Variants in ELP2 observed in about 807,000 individuals in gnomAD.
ELP2 encodes the protein elongator acetyltransferase complex subunit 2.
ELP2 carries 90 observed loss-of-function variants against 119.2 expected under a neutral mutation model. The observed-to-expected ratio is 0.75, with a 90% CI of 0.64 to 0.90. The LOEUF is 0.90. Among genes scored for constraint, ELP2 ranks in the 40% least tolerant of loss-of-function variants. The pLI, the probability that ELP2 is intolerant of heterozygous loss-of-function variation, is 0.00. For missense variants in ELP2, 921 were observed against 967.8 expected, an observed-to-expected ratio of 0.95 and a Z score of 0.64; for synonymous variants, 339 against 331.0, an observed-to-expected ratio of 1.02 and a Z score of -0.26.
intron 21 of ELP2, 152 bp downstream of exon 21, chr18:36,171,312 T>C: frequency 1.5e-6 from 1 of 672,522 alleles, no homozygotes; most frequent in South Asian, 1.7e-5. Context: ...AATTGATACA[T>C]GTGGTAATCT....
At chr18:36,131,060 G>C (rs960206659) in intron 1 of ELP2, among the ~76,000 whole-genome samples, 3 of 152,150 alleles carry the variant, frequency 2.0e-5, no homozygotes, top group Non-Finnish European at 4.4e-5. Context: ...TGTAGTCCCA[G>C]CTACTCGGGA....
chr18:36,132,552 G>C (rs960592418), intron 1 of ELP2, among the ~76,000 whole-genome samples: 1 of 152,206 alleles, frequency 6.6e-6, no homozygotes, highest in Non-Finnish European at 1.5e-5. Context: ...AAAGAGGAAG[G>C]TGCAGTAGTC....
intron 6 of ELP2, among the ~76,000 whole-genome samples, chr18:36,141,848 G>C (rs1415732630): frequency 2.0e-5 from 3 of 151,892 alleles, no homozygotes; most frequent in African/African-American, 7.3e-5. Context: ...GTATCACCAT[G>C]CCTGACTACT....
chr18:36,161,347 C>T (rs576117200), intron 17 of ELP2, among the ~76,000 whole-genome samples: 6 of 152,092 alleles, frequency 3.9e-5, no homozygotes, highest in Middle Eastern at 3.4e-3. Flanking sequence ...GAGTCAAGAT[C>T]GCGCCACTGC....
chr18:36,138,116 T>C lies in ELP2; in HGVS notation c.289-154T>C. 4.5e-6 allele frequency: 3 copies of C among 672,716 alleles called. No individual in the cohort carries two copies. In the South Asian group the frequency reaches 5.5e-5, roughly 12 times the overall value. The allele number at this position is 672,716 out of a possible 1,614,324, so 41.7% of individuals were successfully genotyped here. ...TCACAGGGCATGCACATTTTGTGTG[T>C]TGTTAACATGGTCAGACAGACTTCT... On this transcript the variant is annotated intron_variant, in intron 3 of 21. Transcript: ENST00000358232.
intron 17 of ELP2, among the ~76,000 whole-genome samples, chr18:36,162,096 T>C (rs2090759857): frequency 6.6e-6 from 1 of 152,174 alleles, no homozygotes; most frequent in African/African-American, 2.4e-5. Flanking sequence ...ATGTGAACAA[T>C]TTGATAAGTT....
chr18:36,155,870 A>G (rs961765663), intron 12 of ELP2, among the ~76,000 whole-genome samples: 1 of 152,202 alleles, frequency 6.6e-6, no homozygotes, highest in African/African-American at 2.4e-5. Flanking sequence ...GTTTAAGGAA[A>G]TTTTCACTGT....
intron 10 of ELP2, 83 bp from the exon 11 acceptor site, chr18:36,146,167 T>A (rs1158717814): frequency 6.3e-7 from 1 of 1,589,722 alleles, no homozygotes; most frequent in Non-Finnish European, 8.6e-7. Context: ...AGTGGGAATT[T>A]AACAGTCTCT....
intron 11 of ELP2, among the ~76,000 whole-genome samples, chr18:36,154,530 G>GA (rs2090502050): frequency 6.6e-6 from 1 of 152,150 alleles, no homozygotes; most frequent in African/African-American, 2.4e-5. Flanking sequence ...AATAACCCTA[G>GA]AAGGTAGGTG....
chr18:36,158,962 A>G, intron 14 of ELP2, 58 bp downstream of exon 14: 1 of 1,174,010 alleles, frequency 8.5e-7, no homozygotes. Context: ...CCCCAGTCAT[A>G]CACTTGTGTA....
chr18:36,157,832 G>A (rs1042125043), intron 13 of ELP2, among the ~76,000 whole-genome samples: 2 of 152,164 alleles, frequency 1.3e-5, no homozygotes, highest in Non-Finnish European at 2.9e-5. Flanking sequence ...CTTAATTGTG[G>A]TTATTATGTA....
chr18:36,146,063 T>C lies in ELP2; in HGVS notation c.993+15T>C. On this transcript the variant is annotated intron_variant, in intron 10 of 21. Transcript: ENST00000358232. ...GGCTAGAACAGGTAAAAATGTTGGA[T>C]ATTTAAGGAACAGAAAATTAAGTTT... The C allele has an allele frequency of 6.2e-7, 1 of 1,610,558 alleles. No individual in the cohort carries two copies. Among genetic ancestry groups the C allele is most frequent in the Non-Finnish European group, 8.5e-7 (1 of 1,176,790 alleles).
At chr18:36,169,402 T>TCGTATA in intron 19 of ELP2, among the ~76,000 whole-genome samples, 1 of 151,396 alleles carries the variant, frequency 6.6e-6, no homozygotes, top group Non-Finnish European at 1.5e-5. Flanking sequence ...TTTTTTTTTT[T>TCGTATA]TGAGACGGAG....
At chr18:36,147,199 G>C (rs1259882307) in intron 11 of ELP2, among the ~76,000 whole-genome samples, 2 of 149,582 alleles carry the variant, frequency 1.3e-5, no homozygotes, top group African/African-American at 4.9e-5. Flanking sequence ...TCAACTTCCT[G>C]AGTAGCTGGG....
chr18:36,149,478 G>GAT (rs2090319078), intron 11 of ELP2, among the ~76,000 whole-genome samples: 1 of 64,516 alleles, frequency 1.6e-5, no homozygotes, highest in Middle Eastern at 0.01. Flanking sequence ...AGGGTTTTTT[G>GAT]TTTTGTTTTG....
At chr18:36,142,067 ATAT>A (rs1354703319) in intron 6 of ELP2, among the ~76,000 whole-genome samples, 1 of 152,172 alleles carries the variant, frequency 6.6e-6, no homozygotes, top group Non-Finnish European at 1.5e-5. Flanking sequence ...GAGATTACAA[ATAT>A]TATATTATCT....
At chr18:36,140,503 C>T (rs1435302264) in intron 5 of ELP2, among the ~76,000 whole-genome samples, 1 of 152,060 alleles carries the variant, frequency 6.6e-6, no homozygotes, top group Non-Finnish European at 1.5e-5. Context: ...TATGCCACCA[C>T]GCCCAGATAA....
At chr18:36,164,364 T>C in intron 17 of ELP2, 111 bp from the exon 18 acceptor site, 1 of 1,075,394 alleles carries the variant, frequency 9.3e-7, no homozygotes, top group South Asian at 1.3e-5. Flanking sequence ...TTTTTTGGAA[T>C]TCAAACAGAT....
At chr18:36,172,711 T>C (rs563058033) in intron 21 of ELP2, among the ~76,000 whole-genome samples, 1 of 152,260 alleles carries the variant, frequency 6.6e-6, no homozygotes, top group South Asian at 2.1e-4. Context: ...TCCCTTCACC[T>C]CTAACCTGGT....
Sources: allele counts gnomAD v4.1 joint callset (sites outside exome capture counted in the v4.1 genomes callset), GRCh38; gene constraint gnomAD v4.1.1; transcripts MANE v1.5; gene names NCBI Gene and HGNC (gene_info 2026-07-23, HGNC 2026-07-21).